The following PIP5K1A variants were observed in gnomAD, a reference collection of about 807,000 sequenced individuals.
PIP5K1A encodes the protein phosphatidylinositol 4-phosphate 5-kinase type-1 alpha.
PIP5K1A carries 46 observed loss-of-function variants against 72.9 expected under a neutral mutation model. That is an observed-to-expected ratio of 0.63 (90% CI 0.50 to 0.81). The LOEUF is 0.81. Ranked by LOEUF, PIP5K1A falls within the 30% of genes least tolerant of loss-of-function variation. The probability of loss-of-function intolerance (pLI) is 0.00; values close to 1 mark genes in which losing one functional copy is unlikely to be tolerated. For missense variants in PIP5K1A, 458 were observed against 706.1 expected (o/e 0.65, Z 3.98); for synonymous variants, 228 against 255.1 (o/e 0.89, Z 1.01).
intron 9 of PIP5K1A, 45 bp downstream of exon 9, chr1:151,236,808 G>C: frequency 1.6e-4 from 134 of 824,568 alleles, no homozygotes; most frequent in Middle Eastern, 2.8e-4. Context: ...TAGGCCCACA[G>C]CACTTTTCTT....
upstream of PIP5K1A, chr1:151,197,970 G>A (rs1684706760): frequency 2.2e-6 from 1 of 458,728 alleles, no homozygotes; most frequent in Admixed American, 2.5e-5. Flanking sequence ...GTTGTGATAA[G>A]TCCCTGATAG....
intron 1 of PIP5K1A, among the ~76,000 whole-genome samples, chr1:151,207,338 T>C (rs2101974637): frequency 6.6e-6 from 1 of 152,316 alleles, no homozygotes; most frequent in African/African-American, 2.4e-5. Flanking sequence ...TGGATTTTTT[T>C]CTTAATTTCA....
chr1:151,241,079 C>G (rs1691614728), intron 12 of PIP5K1A, among the ~76,000 whole-genome samples: 1 of 152,106 alleles, frequency 6.6e-6, no homozygotes, highest in South Asian at 2.1e-4. Context: ...AGGAGAATCA[C>G]TTGAACACGG....
intron 1 of PIP5K1A, among the ~76,000 whole-genome samples, chr1:151,205,022 ATATTT>A (rs1685738812): frequency 6.6e-6 from 1 of 152,174 alleles, no homozygotes; most frequent in Non-Finnish European, 1.5e-5. Context: ...TAGCTATTAA[ATATTT>A]TATTAGCCTG....
chr1:151,235,430 C>T (rs1033893762), intron 8 of PIP5K1A, among the ~76,000 whole-genome samples: 2 of 152,196 alleles, frequency 1.3e-5, no homozygotes, highest in African/African-American at 4.8e-5. Flanking sequence ...TGAACACTTC[C>T]CACTGTTGCA....
rs587682348 is a variant in PIP5K1A, at chr1:151,231,921, A to G, written c.368+120A>G. 4.2e-5 allele frequency: 38 copies of G among 908,034 alleles called. No individual in the cohort carries two copies. The African/African-American group carries it at 6.1e-4, about 14-fold the overall frequency. The allele number at this position is 908,034 out of a possible 1,614,324, so 56.2% of individuals were successfully genotyped here. On this transcript the variant is annotated intron_variant, in intron 5 of 15. Coordinates refer to ENST00000368888, the MANE Select transcript of PIP5K1A (RefSeq NM_001135638.2). ...CATGTGTCCATTTCTTAACCTGGTT[A>G]CAATCAGGGCGATGTGGGACTAGAG... is the stretch of plus-strand genomic sequence containing the variant.
chr1:151,242,340 T>TG (rs1157338959), intron 13 of PIP5K1A, 71 bp downstream of exon 13: 4 of 1,601,742 alleles, frequency 2.5e-6, no homozygotes, highest in South Asian at 1.1e-5. Flanking sequence ...TTATCTTGTC[T>TG]GGCCAGGACC....
chr1:151,215,026 C>CT (rs981508990), intron 1 of PIP5K1A, among the ~76,000 whole-genome samples: 2,854 of 115,060 alleles, frequency 0.025, 74 homozygotes, highest in East Asian at 0.059. Flanking sequence ...CCTGTGCATT[C>CT]TTTTTTTTTT....
intron 14 of PIP5K1A, among the ~76,000 whole-genome samples, chr1:151,245,242 A>G (rs1015338050): frequency 2.0e-5 from 3 of 152,184 alleles, no homozygotes; most frequent in Non-Finnish European, 4.4e-5. Context: ...TGTCCAATTC[A>G]TTAGGCACAT....
Position 151,239,995 on chromosome 1 carries a change from G to A in PIP5K1A, c.1319G>A (p.Arg440Gln), listed in dbSNP as rs762052509. 3 of 1,612,468 alleles carry A rather than the reference G, an allele frequency of 1.9e-6. No individual in the cohort carries two copies. Among genetic ancestry groups the A allele is most frequent in the South Asian group, 1.1e-5 (1 of 90,956 alleles). Residue 440 changes from arginine to glutamine, a missense_variant, in exon 12 of 16, where the codon CGG (arginine) becomes CAG (glutamine). This residue lies in a region of PIP5K1A where 157 missense variants were observed against 175.5 expected (regional missense o/e 0.89). Coordinates refer to ENST00000368888, the MANE Select transcript of PIP5K1A (RefSeq NM_001135638.2). ...SVHRPGFYAE[R>Q]FQRFMCNTVF... ...CATCGCCCAGGCTTCTACGCTGAACGGTTCCAGCGCTTCATGTGCAACACA... is the reference window on the plus strand; with the variant it reads ...CATCGCCCAGGCTTCTACGCTGAACAGTTCCAGCGCTTCATGTGCAACACA...
At chr1:151,218,477 T>A (rs1687941512) in intron 1 of PIP5K1A, among the ~76,000 whole-genome samples, 1 of 152,136 alleles carries the variant, frequency 6.6e-6, no homozygotes, top group African/African-American at 2.4e-5. Context: ...TTTAGTTTGT[T>A]AGAGCATTCT....
At position 151,199,891 on chromosome 1, in the gene PIP5K1A, C is replaced by T. The variant is rs587733297; in HGVS notation, c.85+810C>T. On this transcript the variant is annotated intron_variant, in intron 1 of 15. Coordinates refer to ENST00000368888, the MANE Select transcript of PIP5K1A (RefSeq NM_001135638.2). ...GGGAGTTGTTGAAGCCATCTTTTCCCTCAGATACTCCCCCCTAATGTGTCA... is the reference window on the plus strand; with the variant it reads ...GGGAGTTGTTGAAGCCATCTTTTCCTTCAGATACTCCCCCCTAATGTGTCA... Among the ~76,000 whole-genome samples the T allele has an allele frequency of 2.6e-5, 4 of 151,970 alleles. No homozygotes were observed. In the South Asian group the frequency reaches 8.3e-4, roughly 32 times the overall value.
At chr1:151,211,522 C>T (rs1427330520) in intron 1 of PIP5K1A, among the ~76,000 whole-genome samples, 1 of 151,870 alleles carries the variant, frequency 6.6e-6, no homozygotes, top group Non-Finnish European at 1.5e-5. Context: ...GTTGGCCAGG[C>T]GTGGTGGCTC....
chr1:151,236,821 C>CTTTTTT (rs369523470), intron 9 of PIP5K1A, 58 bp downstream of exon 9: 887 of 498,062 alleles, frequency 1.8e-3, no homozygotes, highest in South Asian at 3.1e-3. Flanking sequence ...CTTTTCTTTT[C>CTTTTTT]TTTTTTTTTT....
chr1:151,236,518 T>C (rs745941266), intron 8 of PIP5K1A, 40 bp from the exon 9 acceptor site: 1 of 1,422,388 alleles, frequency 7.0e-7, no homozygotes. Context: ...ATATTTTTAT[T>C]TCTTCCAAGG....
intron 13 of PIP5K1A, 31 bp downstream of exon 13, chr1:151,242,300 T>C (rs1691856725): frequency 1.2e-6 from 2 of 1,610,714 alleles, no homozygotes; most frequent in Middle Eastern, 1.6e-4. Flanking sequence ...CCCCATGTGA[T>C]TGGGTACTCC....
At chr1:151,212,072 G>A (rs1202354130) in intron 1 of PIP5K1A, among the ~76,000 whole-genome samples, 2 of 151,298 alleles carry the variant, frequency 1.3e-5, no homozygotes, top group Non-Finnish European at 2.9e-5. Flanking sequence ...AGATCACGAC[G>A]CTGCACTCCA....
intron 1 of PIP5K1A, among the ~76,000 whole-genome samples, chr1:151,199,880 C>A (rs1015486757): frequency 2.0e-5 from 3 of 151,748 alleles, no homozygotes; most frequent in Admixed American, 6.6e-5. Context: ...GTTGTTGAAG[C>A]CATCTTTTCC....
intron 14 of PIP5K1A, among the ~76,000 whole-genome samples, chr1:151,243,581 G>T (rs910908599): frequency 5.3e-5 from 8 of 152,200 alleles, no homozygotes; most frequent in African/African-American, 1.9e-4. Context: ...CAAAGCAGAA[G>T]AATAATTCTC....
Sources: gnomAD v4.1 joint callset for allele counts (sites outside exome capture counted in the v4.1 genomes callset) on GRCh38, gnomAD v4.1.1 for gene constraint, gnomAD v4.1.1 regional missense constraint, MANE v1.5 for transcripts, NCBI Gene and HGNC (gene_info 2026-07-23, HGNC 2026-07-21) for gene names.